Variants in PDE11A observed in about 807,000 individuals in gnomAD.
The protein encoded by PDE11A is phosphodiesterase 11A.
PDE11A carries 100 observed loss-of-function variants against 100.5 expected under a neutral mutation model. The observed-to-expected ratio is 1.00, with a 90% CI of 0.85 to 1.18. The LOEUF (loss-of-function observed/expected upper bound fraction) is 1.18. PDE11A is among the 50% of genes most tolerant of loss of function. The probability of loss-of-function intolerance (pLI) is 0.00; values close to 1 mark genes in which losing one functional copy is unlikely to be tolerated. For missense variants in PDE11A, 1,141 were observed against 1,152.6 expected (o/e 0.99, Z 0.15); for synonymous variants, 381 against 420.8 (o/e 0.91, Z 1.16).
chr2:178,018,377 A>G (rs10206282), intron 1 of PDE11A: 74 of 478,256 alleles, frequency 1.5e-4, no homozygotes, highest in Non-Finnish European at 2.0e-4. Flanking sequence ...CTTTTGGCAC[A>G]CTTGACTTTA....
At chr2:177,752,136 C>T (rs57807004) in intron 10 of PDE11A, among the ~76,000 whole-genome samples, 12,660 of 152,070 alleles carry the variant, frequency 0.083, 1,738 homozygotes, top group African/African-American at 0.28. Context: ...GTTTTTCATC[C>T]GGCCTGCATC....
In PDE11A at chr2:177,997,293, T is replaced by A. The variant is rs1198875757; in HGVS notation, c.1071+17009A>T. On this transcript the variant is annotated intron_variant, in intron 2 of 19. Transcript: ENST00000286063. ...CTCTCATAATTAAAGTTGCCCAAAT[T>A]GCTGCTATATTTCTCACTGGGAGGA... The A allele has an allele frequency of 2.9e-6, 3 of 1,017,826 alleles. No homozygotes were observed. The Admixed American group carries it at 5.1e-5, about 17-fold the overall frequency. 63.0% of individuals were successfully genotyped at this position (1,017,826 alleles called of 1,614,324 possible).
chr2:177,932,388 C>A (rs976771635), intron 2 of PDE11A, among the ~76,000 whole-genome samples: 21 of 152,036 alleles, frequency 1.4e-4, no homozygotes, highest in African/African-American at 5.1e-4. Flanking sequence ...CTTTGATGAA[C>A]ATAGACATGA....
At chr2:177,948,179 A>G (rs1248649810) in intron 2 of PDE11A, among the ~76,000 whole-genome samples, 1 of 152,170 alleles carries the variant, frequency 6.6e-6, no homozygotes, top group Non-Finnish European at 1.5e-5. Flanking sequence ...GAATTGGGAT[A>G]TATAGTTTAT....
chr2:177,880,012 T>C (rs964835246), intron 4 of PDE11A, among the ~76,000 whole-genome samples: 6 of 152,344 alleles, frequency 3.9e-5, no homozygotes, highest in Admixed American at 3.9e-4. Context: ...ATCATTCAAC[T>C]TCAGCATTCC....
chr2:177,728,297 T>C, intron 10 of PDE11A, 125 bp from the exon 11 acceptor site: 1 of 640,320 alleles, frequency 1.6e-6, no homozygotes, highest in Non-Finnish European at 2.7e-6. Flanking sequence ...TACACCCTGA[T>C]ACAGCTAAAC....
chr2:177,824,173 T>C (rs765892252), intron 6 of PDE11A, among the ~76,000 whole-genome samples: 8 of 152,084 alleles, frequency 5.3e-5, no homozygotes, highest in Non-Finnish European at 1.0e-4. Context: ...GGTTTCTGGC[T>C]TGAGTAAAGG....
At chr2:178,063,079 C>T (rs377528076) in intron 1 of PDE11A, among the ~76,000 whole-genome samples, 1 of 152,144 alleles carries the variant, frequency 6.6e-6, no homozygotes, top group East Asian at 1.9e-4. Context: ...AACTACAAAT[C>T]ATCAACTTGG....
Position 177,691,874 on chromosome 2 carries a change from A to G in PDE11A, c.2345+5458T>C, listed in dbSNP as rs1171964363. ...CCTAGAATTTGTGATACAAGAGACA[A>G]TGTAACAAAGCCAATCAATAGCTTA... On this transcript the variant is annotated intron_variant, in intron 15 of 19. Transcript: ENST00000286063. 2.0e-5 allele frequency among the ~76,000 whole-genome samples: 3 copies of G among 152,182 alleles called. No homozygotes were observed. In the East Asian group the frequency reaches 5.8e-4, roughly 29 times the overall value.
intron 5 of PDE11A, among the ~76,000 whole-genome samples, chr2:177,861,224 A>C (rs2083940451): frequency 6.6e-6 from 1 of 151,806 alleles, no homozygotes; most frequent in South Asian, 2.1e-4. Context: ...TATAATAAAC[A>C]AGTTCAACAA....
intron 1 of PDE11A, chr2:178,104,621 T>C: frequency 1.5e-6 from 1 of 663,360 alleles, no homozygotes; most frequent in Non-Finnish European, 2.6e-6. Flanking sequence ...CATGCAAGCT[T>C]TAATGTATGA....
intron 9 of PDE11A, among the ~76,000 whole-genome samples, chr2:177,780,172 T>C (rs139867408): frequency 6.6e-6 from 1 of 152,320 alleles, no homozygotes; most frequent in African/African-American, 2.4e-5. Context: ...TAGCAAACCA[T>C]GCTGTTTACT....
intron 2 of PDE11A, 36 bp from the exon 3 acceptor site, chr2:177,905,223 A>G (rs2084766869): frequency 8.8e-7 from 1 of 1,132,890 alleles, no homozygotes; most frequent in Admixed American, 1.7e-5. Flanking sequence ...ATTAAAACAT[A>G]AGAACATTGA....
At chr2:178,082,846 C>G (rs1177478732) in intron 2 of PDE11A, among the ~76,000 whole-genome samples, 1 of 152,102 alleles carries the variant, frequency 6.6e-6, no homozygotes, top group Non-Finnish European at 1.5e-5. Flanking sequence ...TGGTTGTTAT[C>G]AGTGAAAGGA....
At chr2:177,745,352 T>C (rs912049459) in intron 10 of PDE11A, among the ~76,000 whole-genome samples, 20 of 152,188 alleles carry the variant, frequency 1.3e-4, no homozygotes, top group African/African-American at 4.6e-4. Flanking sequence ...CCTATTCCCC[T>C]AGACAGAAGC....
At chr2:178,053,322 G>T (rs1400623566) in intron 1 of PDE11A, among the ~76,000 whole-genome samples, 1 of 152,184 alleles carries the variant, frequency 6.6e-6, no homozygotes, top group Non-Finnish European at 1.5e-5. Context: ...AGCCCTTCGT[G>T]CTAAAACCTC....
At chr2:177,971,598 G>A (rs1366193738) in intron 2 of PDE11A, among the ~76,000 whole-genome samples, 8 of 152,172 alleles carry the variant, frequency 5.3e-5, no homozygotes, top group Admixed American at 5.2e-4. Context: ...ACACCAAATA[G>A]GGACATCCTT....
At chr2:177,792,876 C>T (rs746764096) in intron 9 of PDE11A, among the ~76,000 whole-genome samples, 4 of 152,146 alleles carry the variant, frequency 2.6e-5, no homozygotes, top group Non-Finnish European at 5.9e-5. Context: ...ACTAAACAGG[C>T]AAACATACAA....
At chr2:177,869,192 G>T (rs2084082433) in intron 5 of PDE11A, among the ~76,000 whole-genome samples, 1 of 152,222 alleles carries the variant, frequency 6.6e-6, no homozygotes, top group South Asian at 2.1e-4. Flanking sequence ...ACATATAGCA[G>T]CTTAAAACAA....
Sources: gnomAD v4.1 joint callset for allele counts (sites outside exome capture counted in the v4.1 genomes callset) on GRCh38, gnomAD v4.1.1 for gene constraint, MANE v1.5 for transcripts, NCBI Gene and HGNC (gene_info 2026-07-23, HGNC 2026-07-21) for gene names.